The following SIAE variants were observed in gnomAD, a reference collection of about 807,000 sequenced individuals.
SIAE encodes the protein sialate O-acetylesterase.
In SIAE, 39 loss-of-function variants were observed where a neutral mutation model predicts 52.6. The ratio of observed to expected loss-of-function variants is 0.74; its 90% CI spans 0.57 to 0.97. The LOEUF (loss-of-function observed/expected upper bound fraction) is 0.97, where lower values mean the gene tolerates loss of function less well. Among genes scored for constraint, SIAE ranks in the 50% least tolerant of loss-of-function variants. The probability of loss-of-function intolerance (pLI) is 0.00; values close to 1 mark genes in which losing one functional copy is unlikely to be tolerated. For missense variants in SIAE, 592 were observed against 662.1 expected (o/e 0.89, Z 1.16); for synonymous variants, 233 against 241.4 (o/e 0.97, Z 0.32).
chr11:124,638,257 T>A (rs187822292), intron 9 of SIAE, among the ~76,000 whole-genome samples: 42 of 152,378 alleles, frequency 2.8e-4, no homozygotes, highest in Non-Finnish European at 4.4e-4. Flanking sequence ...GGCCCTGCCC[T>A]AGCAAAGATG....
upstream of SIAE, chr11:124,675,352 G>C: frequency 2.5e-6 from 4 of 1,614,206 alleles, no homozygotes; most frequent in South Asian, 2.2e-5. Flanking sequence ...GATTCTGAGA[G>C]AGCAACCGGA....
At chr11:124,663,819 C>T (rs1428073369) in intron 2 of SIAE, among the ~76,000 whole-genome samples, 1 of 152,138 alleles carries the variant, frequency 6.6e-6, no homozygotes, top group African/African-American at 2.4e-5. Context: ...TGTTGACCCA[C>T]GAAGTCCATA....
At chr11:124,662,211 C>A (rs1943195612) in intron 2 of SIAE, among the ~76,000 whole-genome samples, 1 of 152,218 alleles carries the variant, frequency 6.6e-6, no homozygotes, top group Non-Finnish European at 1.5e-5. Context: ...ATGTATAATT[C>A]ACCTAAACCA....
At chr11:124,673,217 C>T (rs1943396418) in intron 1 of SIAE, among the ~76,000 whole-genome samples, 1 of 152,184 alleles carries the variant, frequency 6.6e-6, no homozygotes, top group Admixed American at 6.5e-5. Flanking sequence ...AGCAAACCCT[C>T]CCCAAGGGCA....
chr11:124,656,701 GTTTTTT>G (rs1038969326), intron 3 of SIAE, among the ~76,000 whole-genome samples: 1 of 151,130 alleles, frequency 6.6e-6, no homozygotes, highest in African/African-American at 2.4e-5. Context: ...TTTTGTTTTT[GTTTTTT>G]TTTATTTGTG....
chr11:124,675,173 A>AT, upstream of SIAE: 1 of 1,457,670 alleles, frequency 6.9e-7, no homozygotes, highest in South Asian at 1.4e-5. Flanking sequence ...ATTTGTTGGC[A>AT]TAGTTGTGAT....
rs1398638191 is a variant in SIAE at position 124,668,554 on chromosome 11, CT to C, written c.229+805del. 2.0e-5 allele frequency among the ~76,000 whole-genome samples: 3 copies of C among 152,336 alleles called. No homozygotes were observed. The East Asian group carries it at 5.8e-4, about 29-fold the overall frequency. ...CATGACTGCTAAAACTGACTCTGCACTTGTGTGCCAGGCACTGTTACAAGTC... is the reference window on the plus strand; with the variant it reads ...CATGACTGCTAAAACTGACTCTGCACTGTGTGCCAGGCACTGTTACAAGTC... On this transcript the variant is annotated intron_variant, in intron 2 of 9. Transcript: ENST00000263593.
At chr11:124,640,098 CG>C (rs559541098) in intron 7 of SIAE, among the ~76,000 whole-genome samples, 32 of 152,158 alleles carry the variant, frequency 2.1e-4, no homozygotes, top group Non-Finnish European at 4.0e-4. Flanking sequence ...CATCAAGCAG[CG>C]GGGTCTGTTT....
intron 2 of SIAE, among the ~76,000 whole-genome samples, chr11:124,667,884 G>C (rs952742381): frequency 6.6e-6 from 1 of 151,860 alleles, no homozygotes; most frequent in Non-Finnish European, 1.5e-5. Context: ...TCACCTTCCT[G>C]AACATCCCCA....
chr11:124,640,160 T>C (rs893593815), intron 7 of SIAE, among the ~76,000 whole-genome samples: 1 of 152,160 alleles, frequency 6.6e-6, no homozygotes, highest in African/African-American at 2.4e-5. Flanking sequence ...TGCAGGAGAA[T>C]TGATGTTGTA....
chr11:124,674,314 C>T (rs1377692917), upstream of SIAE: 5 of 152,248 alleles, frequency 3.3e-5, no homozygotes, highest in Non-Finnish European at 7.3e-5. Context: ...GAGGCGGGAT[C>T]ATCGCTGGAG....
intron 7 of SIAE, among the ~76,000 whole-genome samples, chr11:124,643,981 C>T (rs1160945763): frequency 6.6e-6 from 1 of 152,068 alleles, no homozygotes; most frequent in Non-Finnish European, 1.5e-5. Context: ...TGAATGTGGC[C>T]AAATGCAACT....
At chr11:124,654,881 G>A in intron 3 of SIAE, 88 bp from the exon 4 acceptor site, 4 of 1,495,792 alleles carry the variant, frequency 2.7e-6, no homozygotes, top group Middle Eastern at 2.4e-4. Context: ...CTGAGCTCCT[G>A]AGCTTTCAAT....
rs114337249 is a variant in SIAE, at chr11:124,636,568, G to C, written c.*383C>G. 9.9e-6 allele frequency: 3 copies of C among 302,430 alleles called. No individual in the cohort carries two copies. The highest frequency in any genetic ancestry group is 6.5e-5 in the African/African-American group (3 of 46,248). 18.7% of individuals were successfully genotyped at this position (302,430 alleles called of 1,614,324 possible). A position where few individuals can be genotyped will look rare whatever the true frequency, so the allele number is the denominator to read the frequency against. On this transcript the variant is annotated 3_prime_UTR_variant, in exon 10 of 10. Coordinates refer to ENST00000263593, the MANE Select transcript of SIAE (RefSeq NM_170601.5). ...GGGAGAAATTTTATAAAGAACACAT[G>C]AACACTAGCTGGCCTATGTGGCCTT...
At chr11:124,650,521 C>A (rs941715362) in intron 4 of SIAE, among the ~76,000 whole-genome samples, 1 of 152,148 alleles carries the variant, frequency 6.6e-6, no homozygotes, top group Non-Finnish European at 1.5e-5. Context: ...ACCTATAATC[C>A]CAGCACTTTG....
In SIAE at chr11:124,670,961, A is replaced by C. The variant is rs1174183939; in HGVS notation, c.68-1440T>G. 6.6e-6 allele frequency among the ~76,000 whole-genome samples: 1 copy of C among 152,226 alleles called. No homozygotes were observed. Among genetic ancestry groups the C allele is most frequent in the Non-Finnish European group, 1.5e-5 (1 of 68,048 alleles). On this transcript the variant is annotated intron_variant, in intron 1 of 9. Transcript: ENST00000263593. The surrounding 1 kb of genome is among the most constrained non-coding windows in gnomAD (Gnocchi z 4.5). ...GGGCCTTGTCTTGGGTAGGTGCTTC[A>C]TATGGAACCAAAAAAAGGAAAACCA...
At chr11:124,675,259 A>G (rs746800846), upstream of SIAE, 2 of 1,610,980 alleles carry the variant, frequency 1.2e-6, no homozygotes, top group Admixed American at 1.7e-5. Flanking sequence ...AGTTCTTACC[A>G]AGAAGATGTC....
At chr11:124,674,612 A>G (rs1312655764), upstream of SIAE, 3 of 152,224 alleles carry the variant, frequency 2.0e-5, no homozygotes, top group African/African-American at 7.2e-5. Flanking sequence ...AGAAACCGAA[A>G]AATATAAGAA....
At chr11:124,664,324 C>T (rs570338378) in intron 2 of SIAE, among the ~76,000 whole-genome samples, 11 of 151,978 alleles carry the variant, frequency 7.2e-5, no homozygotes, top group African/African-American at 1.7e-4. Context: ...CTCTGCCTCC[C>T]GGGTTCAAGC....
Sources: allele counts gnomAD v4.1 joint callset (sites outside exome capture counted in the v4.1 genomes callset), GRCh38; gene constraint gnomAD v4.1.1; non-coding constraint Gnocchi (gnomAD v3.1); transcripts MANE v1.5; gene names NCBI Gene and HGNC (gene_info 2026-07-23, HGNC 2026-07-21).